Variants in TRIM66 observed in about 807,000 individuals in gnomAD.
The protein encoded by TRIM66 is tripartite motif containing 66.
A neutral mutation model predicts 148.2 loss-of-function variants in TRIM66; 99 were observed. The ratio of observed to expected loss-of-function variants is 0.67; its 90% CI spans 0.57 to 0.79. The LOEUF is 0.79. TRIM66 is among the 30% of genes least tolerant of loss of function. The pLI is 0.00. For missense variants in TRIM66, 1,666 were observed against 1,697.9 expected, an observed-to-expected ratio of 0.98 and a Z score of 0.33; for synonymous variants, 616 against 635.9, an observed-to-expected ratio of 0.97 and a Z score of 0.47.
chr11:8,645,213 T>G (rs1350591492), intron 12 of TRIM66, among the ~76,000 whole-genome samples: 3 of 152,212 alleles, frequency 2.0e-5, no homozygotes, highest in Non-Finnish European at 4.4e-5. Context: ...TAATGGTAGG[T>G]AGCTTGGAGT....
intron 3 of TRIM66, chr11:8,679,339 C>G (rs1368614389): frequency 1.3e-5 from 2 of 152,206 alleles, no homozygotes. Context: ...AGGGTACTCC[C>G]TCTACAACCA....
intron 6 of TRIM66, among the ~76,000 whole-genome samples, chr11:8,657,727 C>T (rs947682398): frequency 3.3e-5 from 5 of 152,188 alleles, no homozygotes; most frequent in Admixed American, 6.5e-5. Flanking sequence ...AGCTAAGGCC[C>T]CCACCACACA....
At chr11:8,626,855 A>T (rs948371192) in intron 15 of TRIM66, among the ~76,000 whole-genome samples, 3 of 151,972 alleles carry the variant, frequency 2.0e-5, no homozygotes, top group African/African-American at 7.3e-5. Flanking sequence ...ACTGAACTCT[A>T]GTCACTCATT....
chr11:8,649,828 G>T lies in TRIM66; in HGVS notation c.504C>A (p.Arg168=). ...CCTCTGTGCAAGAGCTGCACAGCCA[G>T]CGATTGCAGTAGGTGCAGAGGATAT... The part of the protein sequence containing the change: ...AAHILCTYCN[R]WLCSSCTEEH... The change falls in exon 8 of 25, where the codon CGC becomes CGA. Residue 168 remains arginine (R), a synonymous_variant. Transcript: ENST00000646038. 6.4e-7 allele frequency: 1 copy of T among 1,551,712 alleles called. No homozygotes were observed.
intron 15 of TRIM66, among the ~76,000 whole-genome samples, chr11:8,627,525 A>G (rs535831895): frequency 6.6e-6 from 1 of 152,360 alleles, no homozygotes; most frequent in East Asian, 1.9e-4. Context: ...CATACTGTAG[A>G]TGCTCAGTAA....
In TRIM66 at chr11:8,638,653, C is replaced by T; in HGVS notation, c.2310+1G>A. 6.5e-7 allele frequency: 1 copy of T among 1,547,602 alleles called. No individual in the cohort carries two copies. Among genetic ancestry groups the T allele is most frequent in the Non-Finnish European group, 8.7e-7 (1 of 1,145,852 alleles). ...TTAGGGAAAACAGGCTCCTTCAGTA[C>T]CTTTCTCACCACATTTGGAGAGGAG... On this transcript the variant is annotated splice_donor_variant, in intron 15 of 24. Transcript: ENST00000646038. LOFTEE classifies it high-confidence loss of function.
chr11:8,619,984 G>A (rs2034049671), intron 22 of TRIM66, 66 bp downstream of exon 22: 1 of 1,381,856 alleles, frequency 7.2e-7, no homozygotes, highest in Admixed American at 2.0e-5. Flanking sequence ...GGGGAGGCTG[G>A]GGTAGCAGTA....
chr11:8,649,969 G>C (rs1042031173), intron 7 of TRIM66, 82 bp from the exon 8 acceptor site: 1 of 1,460,472 alleles, frequency 6.8e-7, no homozygotes, highest in Admixed American at 2.1e-5. Context: ...CTAAAGACAG[G>C]GGTCCTGCAG....
chr11:8,648,088 T>G lies in TRIM66; in HGVS notation c.726-2A>C, dbSNP rs1205544265. On this transcript the variant is annotated splice_acceptor_variant, in intron 9 of 24. Coordinates refer to ENST00000646038, the MANE Select transcript of TRIM66 (RefSeq NM_001388022.1). LOFTEE classifies it high-confidence loss of function. Reference sequence around the variant, plus strand: ...AAAACTTCTTCAACATGTCTGCACCTAGGGGATGAGGCAGAGAAAAAGCTG... The same window carrying G: ...AAAACTTCTTCAACATGTCTGCACCGAGGGGATGAGGCAGAGAAAAAGCTG... 3.9e-6 allele frequency: 6 copies of G among 1,550,826 alleles called. No individual in the cohort carries two copies. The highest frequency in any genetic ancestry group is 5.2e-6 in the Non-Finnish European group (6 of 1,146,172).
intron 6 of TRIM66, among the ~76,000 whole-genome samples, chr11:8,670,146 G>A (rs756355667): frequency 9.9e-5 from 15 of 151,866 alleles, no homozygotes; most frequent in Non-Finnish European, 1.6e-4. Flanking sequence ...CCGAGTAGCT[G>A]GGACTATAGG....
chr11:8,626,672 G>A (rs2034877130), intron 15 of TRIM66, among the ~76,000 whole-genome samples: 1 of 152,218 alleles, frequency 6.6e-6, no homozygotes, highest in Non-Finnish European at 1.5e-5. Context: ...CAATGGAGAA[G>A]TATTTTCAAA....
intron 12 of TRIM66, among the ~76,000 whole-genome samples, chr11:8,645,052 T>C (rs1024598183): frequency 6.6e-6 from 1 of 152,222 alleles, no homozygotes; most frequent in Non-Finnish European, 1.5e-5. Flanking sequence ...ATGCTGAAAA[T>C]GACGGTATTC....
chr11:8,675,720 T>C (rs1315996178), intron 3 of TRIM66, among the ~76,000 whole-genome samples: 1 of 151,664 alleles, frequency 6.6e-6, no homozygotes, highest in Admixed American at 6.6e-5. Flanking sequence ...TGTTTCACTT[T>C]TTATTTTTTT....
intron 6 of TRIM66, 185 bp downstream of exon 6, chr11:8,671,601 C>G (rs989922743): frequency 1.7e-6 from 1 of 572,828 alleles, no homozygotes; most frequent in Non-Finnish European, 3.1e-6. Flanking sequence ...GCTTACAAAA[C>G]AGATATATTA....
intron 5 of TRIM66, 21 bp from the exon 6 acceptor site, chr11:8,672,119 A>C (rs2133499766): frequency 1.3e-6 from 2 of 1,529,530 alleles, no homozygotes; most frequent in Non-Finnish European, 1.7e-6. Context: ...AGCACAAAGC[A>C]GAGTGATCTA....
At chr11:8,649,099 G>A (rs927373343) in intron 8 of TRIM66, among the ~76,000 whole-genome samples, 1 of 152,234 alleles carries the variant, frequency 6.6e-6, no homozygotes, top group Admixed American at 6.5e-5. Context: ...AGCACTTTGG[G>A]AGGCCAAGGT....
intron 24 of TRIM66, 96 bp from the exon 25 acceptor site, chr11:8,618,099 C>T (rs940186400): frequency 3.6e-5 from 43 of 1,198,566 alleles, no homozygotes; most frequent in South Asian, 2.1e-4. Context: ...GCCAAGTCAA[C>T]GTATTTTATT....
intron 6 of TRIM66, among the ~76,000 whole-genome samples, chr11:8,657,057 G>C (rs1288498205): frequency 1.3e-5 from 2 of 152,218 alleles, no homozygotes; most frequent in African/African-American, 4.8e-5. Context: ...CTAAGACTTA[G>C]TGAGGCAGCA....
In TRIM66 at chr11:8,671,886, A is replaced by G. The variant is rs2038954535; in HGVS notation, c.240T>C (p.Ser80=). Residue 80 remains serine (S), a synonymous_variant, in exon 6 of 25, where the codon TCT becomes TCC. Transcript: ENST00000646038. ...GCAAATGCTGGCAGGATAGGAGATG[A>G]GAGCCCATACCTGGCAGGTCCTGAT... ...LCHQDLPGMG[S]HLLSCQHLLR... 6.5e-7 allele frequency: 1 copy of G among 1,536,030 alleles called. No individual in the cohort carries two copies. Among genetic ancestry groups the G allele is most frequent in the East Asian group, 2.4e-5 (1 of 40,934 alleles).
Sources: gnomAD v4.1 joint callset for allele counts (sites outside exome capture counted in the v4.1 genomes callset) on GRCh38, gnomAD v4.1.1 for gene constraint, MANE v1.5 for transcripts, NCBI Gene and HGNC (gene_info 2026-07-23, HGNC 2026-07-21) for gene names.